SKAP1: variants seen among roughly 807,000 people sequenced by gnomAD.
SKAP1 encodes src kinase-associated phosphoprotein 1.
SKAP1 carries 44 observed loss-of-function variants against 58.5 expected under a neutral mutation model. The ratio of observed to expected loss-of-function variants is 0.75; its 90% CI spans 0.59 to 0.97. The LOEUF (loss-of-function observed/expected upper bound fraction) is 0.97. Among genes scored for constraint, SKAP1 ranks in the 50% least tolerant of loss-of-function variants. The probability of loss-of-function intolerance (pLI) is 0.00; values close to 1 mark genes in which losing one functional copy is unlikely to be tolerated. For missense variants in SKAP1, 390 were observed against 435.2 expected, an observed-to-expected ratio of 0.90 and a Z score of 0.92; for synonymous variants, 127 against 149.7, an observed-to-expected ratio of 0.85 and a Z score of 1.11.
At chr17:48,396,873 C>T (rs1224551338) in intron 1 of SKAP1, 88 bp from the exon 2 acceptor site, 5 of 874,524 alleles carry the variant, frequency 5.7e-6, no homozygotes, top group Non-Finnish European at 9.3e-6. Context: ...CACATGTATA[C>T]ATATGTAACT....
intron 4 of SKAP1, among the ~76,000 whole-genome samples, chr17:48,224,667 T>A (rs2065046833): frequency 6.6e-6 from 1 of 152,288 alleles, no homozygotes; most frequent in East Asian, 1.9e-4. Context: ...CAAATTTAAA[T>A]TTTCTCTTAA....
intron 1 of SKAP1, among the ~76,000 whole-genome samples, chr17:48,415,709 C>T (rs1051600454): frequency 2.0e-5 from 3 of 152,122 alleles, no homozygotes; most frequent in African/African-American, 7.2e-5. Context: ...GGCCCCATTC[C>T]TGCCCTCATT....
At chr17:48,186,470 AT>A (rs1346460869) in intron 6 of SKAP1, among the ~76,000 whole-genome samples, 1 of 150,830 alleles carries the variant, frequency 6.6e-6, no homozygotes, top group Non-Finnish European at 1.5e-5. Flanking sequence ...TTATTTATTT[AT>A]TTATTTATTT....
the SKAP1 span, among the ~76,000 whole-genome samples, chr17:48,440,092 G>A: frequency 1.3e-5 from 2 of 152,166 alleles, no homozygotes; most frequent in Non-Finnish European, 2.9e-5. Context: ...TGCGGCCTGC[G>A]ACTTTGCCTT....
intron 4 of SKAP1, among the ~76,000 whole-genome samples, chr17:48,342,107 A>G (rs919290163): frequency 6.6e-6 from 1 of 152,160 alleles, no homozygotes; most frequent in Non-Finnish European, 1.5e-5. Flanking sequence ...TCAGATCTTG[A>G]GCTTTGTAGT....
chr17:48,383,509 G>A (rs917534878), intron 2 of SKAP1, among the ~76,000 whole-genome samples: 7 of 151,898 alleles, frequency 4.6e-5, no homozygotes, highest in African/African-American at 1.5e-4. Context: ...TATTTTACAA[G>A]GCTCAAAAAT....
intron 1 of SKAP1, among the ~76,000 whole-genome samples, chr17:48,406,284 A>C (rs1182254900): frequency 6.6e-6 from 1 of 151,980 alleles, no homozygotes. Context: ...ACAAACAAAA[A>C]AACAACAACA....
intron 4 of SKAP1, among the ~76,000 whole-genome samples, chr17:48,270,846 T>A (rs1420185430): frequency 1.3e-5 from 2 of 152,054 alleles, no homozygotes; most frequent in African/African-American, 4.8e-5. Flanking sequence ...GATGGATACA[T>A]AGGTTGTTTC....
chr17:48,417,876 T>A (rs544086450), intron 1 of SKAP1, among the ~76,000 whole-genome samples: 1 of 152,160 alleles, frequency 6.6e-6, no homozygotes, highest in East Asian at 1.9e-4. Context: ...ATAGGACAAT[T>A]GCTAAATAAA....
chr17:48,190,751 T>C (rs1199770697), intron 4 of SKAP1, among the ~76,000 whole-genome samples: 3 of 152,232 alleles, frequency 2.0e-5, no homozygotes, highest in Middle Eastern at 3.4e-3. Flanking sequence ...TTTGTGGGGC[T>C]GAGGCAGGCA....
At chr17:48,183,279 G>A (rs1035593451) in intron 7 of SKAP1, among the ~76,000 whole-genome samples, 1 of 152,104 alleles carries the variant, frequency 6.6e-6, no homozygotes, top group Non-Finnish European at 1.5e-5. Flanking sequence ...ATAGCTGTGG[G>A]AATAAATAAG....
chr17:48,134,998 C>T (rs1313148132), intron 12 of SKAP1, among the ~76,000 whole-genome samples: 1 of 152,146 alleles, frequency 6.6e-6, no homozygotes, highest in Non-Finnish European at 1.5e-5. Flanking sequence ...CCACCATGCC[C>T]GGCTGGCTGG....
chr17:48,139,659 G>T (rs767211130), intron 11 of SKAP1, among the ~76,000 whole-genome samples: 1 of 152,090 alleles, frequency 6.6e-6, no homozygotes, highest in Non-Finnish European at 1.5e-5. Flanking sequence ...GCATTATCTG[G>T]TGATCTTTTT....
chr17:48,142,634 C>G (rs1285905691), intron 11 of SKAP1, among the ~76,000 whole-genome samples: 2 of 152,194 alleles, frequency 1.3e-5, no homozygotes, highest in African/African-American at 4.8e-5. Flanking sequence ...GATCAACTAC[C>G]TTTGGAGACA....
intron 1 of SKAP1, among the ~76,000 whole-genome samples, chr17:48,412,799 C>T (rs1316060234): frequency 6.6e-6 from 1 of 151,814 alleles, no homozygotes; most frequent in Admixed American, 6.6e-5. Flanking sequence ...ATAATTATCC[C>T]CCAATGATGT....
At chr17:48,345,241 T>C (rs1264300043) in intron 4 of SKAP1, among the ~76,000 whole-genome samples, 1 of 152,256 alleles carries the variant, frequency 6.6e-6, no homozygotes, top group East Asian at 1.9e-4. Flanking sequence ...ATCTTAAAAA[T>C]TCATGTATAT....
chr17:48,400,721 C>T (rs2067489254), intron 1 of SKAP1, among the ~76,000 whole-genome samples: 1 of 151,458 alleles, frequency 6.6e-6, no homozygotes, highest in Non-Finnish European at 1.5e-5. Flanking sequence ...GCACTCCAGG[C>T]TGGGTGACAG....
At chr17:48,377,460 C>T (rs551034969) in intron 2 of SKAP1, 1 of 151,770 alleles carries the variant, frequency 6.6e-6, no homozygotes, top group African/African-American at 2.4e-5. Context: ...TACCTGTGGT[C>T]CCAGCTACCT....
chr17:48,348,663 C>T (rs2066755441), intron 3 of SKAP1, among the ~76,000 whole-genome samples: 1 of 152,130 alleles, frequency 6.6e-6, no homozygotes, highest in South Asian at 2.1e-4. Context: ...TGTACTTTTT[C>T]TGTTTTGGGA....
Sources: gnomAD v4.1 joint callset for allele counts (sites outside exome capture counted in the v4.1 genomes callset) on GRCh38, gnomAD v4.1.1 for gene constraint, MANE v1.5 for transcripts, NCBI Gene and HGNC (gene_info 2026-07-23, HGNC 2026-07-21) for gene names.